Variants in HHLA1 observed in about 807,000 individuals in gnomAD.
The protein encoded by HHLA1 is HERV-H LTR-associating protein 1.
A neutral mutation model predicts 69.9 loss-of-function variants in HHLA1; 72 were observed. The observed-to-expected ratio is 1.03, with a 90% confidence interval of 0.85 to 1.25. The LOEUF (loss-of-function observed/expected upper bound fraction) is 1.25. Among genes scored for constraint, HHLA1 ranks in the 50% most tolerant of loss-of-function variants. HHLA1 has a pLI of 0.00. For missense variants in HHLA1, 685 were observed against 642.2 expected, an observed-to-expected ratio of 1.07 and a Z score of -0.72; for synonymous variants, 252 against 233.2, an observed-to-expected ratio of 1.08 and a Z score of -0.73.
Position 132,099,973 on chromosome 8 carries a change from G to C in HHLA1, c.199+102C>G, listed in dbSNP as rs958369458. 3.3e-5 allele frequency: 27 copies of C among 807,452 alleles called. No individual in the cohort carries two copies. The African/African-American group carries it at 4.6e-4, about 14-fold the overall frequency. 50.0% of individuals were successfully genotyped at this position (807,452 alleles called of 1,614,324 possible). On this transcript the variant is annotated intron_variant, in intron 4 of 16. Coordinates refer to ENST00000414222, the MANE Select transcript of HHLA1 (RefSeq NM_001145095.3). ...TTAATGATCAGATAATGATTAAAGA[G>C]ATGACGTTCTCGCCACTGTGGGAAA... is the stretch of plus-strand genomic sequence containing the variant.
intron 10 of HHLA1, 113 bp from the exon 11 acceptor site, chr8:132,080,079 A>G: frequency 2.2e-6 from 3 of 1,360,710 alleles, no homozygotes; most frequent in Non-Finnish European, 3.1e-6. Flanking sequence ...ACCTTTCTCT[A>G]ATTAAAAGTA....
intron 4 of HHLA1, among the ~76,000 whole-genome samples, chr8:132,099,330 C>A (rs1205617406): frequency 6.6e-6 from 1 of 152,212 alleles, no homozygotes; most frequent in Non-Finnish European, 1.5e-5. Flanking sequence ...AAAATAAGTA[C>A]CCCATGTAAA....
At chr8:132,077,024 T>A (rs1012652216) in intron 12 of HHLA1, among the ~76,000 whole-genome samples, 2 of 151,956 alleles carry the variant, frequency 1.3e-5, no homozygotes, top group Non-Finnish European at 2.9e-5. Flanking sequence ...AGTTTAAGGG[T>A]CACTTCAGGA....
intron 10 of HHLA1, among the ~76,000 whole-genome samples, chr8:132,085,859 C>A (rs539041642): frequency 1.3e-5 from 2 of 149,546 alleles, no homozygotes; most frequent in East Asian, 2.0e-4. Context: ...ATTTACACTT[C>A]TTTTGTGGTG....
chr8:132,101,102 T>C (rs1169442721), intron 3 of HHLA1: 1 of 1,403,454 alleles, frequency 7.1e-7, no homozygotes, highest in East Asian at 2.7e-5. Flanking sequence ...ATTGCAACAA[T>C]AGGTACCAGC....
At position 132,087,981 on chromosome 8, in the gene HHLA1, T is replaced by C. The variant is rs992599475; in HGVS notation, c.533-80A>G. 6 of 1,043,966 alleles carry C rather than the reference T, an allele frequency of 5.7e-6. No individual in the cohort carries two copies. The Admixed American group carries it at 1.2e-4, about 21-fold the overall frequency. 64.7% of individuals were successfully genotyped at this position (1,043,966 alleles called of 1,614,324 possible). On this transcript the variant is annotated intron_variant, in intron 8 of 16. Coordinates refer to ENST00000414222, the MANE Select transcript of HHLA1 (RefSeq NM_001145095.3). ...TCTTTGATTGAAATGAAAATTAAGT[T>C]GAAAGTACCTAACTTAGGATAATAT...
intron 14 of HHLA1, among the ~76,000 whole-genome samples, chr8:132,073,379 T>C (rs571761583): frequency 2.7e-4 from 41 of 152,332 alleles, no homozygotes; most frequent in Non-Finnish European, 2.6e-4. Context: ...AACTAGAAGA[T>C]AAACCCTCCA....
In HHLA1 at chr8:132,062,423, T is replaced by A. The variant is rs1399915014; in HGVS notation, c.*1572A>T. The A allele has an allele frequency of 6.6e-6, 1 of 152,158 alleles. No homozygotes were observed. The highest frequency in any genetic ancestry group is 2.4e-5 in the African/African-American group (1 of 41,410). The allele number at this position is 152,158 out of a possible 1,614,324, so 9.4% of individuals were successfully genotyped here. ...GCCAGGGAACTCAGGGGTCTTCCAATGGCAGAAACTGTTTTCTACTTAGAT... is the reference window on the plus strand; with the variant it reads ...GCCAGGGAACTCAGGGGTCTTCCAAAGGCAGAAACTGTTTTCTACTTAGAT... On this transcript the variant is annotated 3_prime_UTR_variant, in exon 17 of 17. Transcript: ENST00000414222.
intron 5 of HHLA1, 91 bp from the exon 6 acceptor site, chr8:132,095,877 G>T: frequency 1.5e-6 from 1 of 649,490 alleles, no homozygotes; most frequent in Non-Finnish European, 2.5e-6. Context: ...AATTAACAAT[G>T]CCAATAAAGA....
intron 3 of HHLA1, among the ~76,000 whole-genome samples, chr8:132,103,778 T>C (rs917755293): frequency 2.0e-5 from 3 of 152,208 alleles, no homozygotes; most frequent in Non-Finnish European, 2.9e-5. Context: ...TAGTCACCAT[T>C]GTACTGCAAA....
chr8:132,086,024 TG>T (rs1363647880), intron 10 of HHLA1, among the ~76,000 whole-genome samples: 2 of 152,216 alleles, frequency 1.3e-5, no homozygotes, highest in African/African-American at 2.4e-5. Context: ...AAGTGAAATT[TG>T]GGGGAATAAG....
At chr8:132,092,453 C>A (rs1012090576) in intron 7 of HHLA1, among the ~76,000 whole-genome samples, 1 of 152,084 alleles carries the variant, frequency 6.6e-6, no homozygotes, top group Non-Finnish European at 1.5e-5. Context: ...GGAGGTGAGG[C>A]GTGGTGGGAG....
chr8:132,107,236 C>T (rs912537646), intron 1 of HHLA1, among the ~76,000 whole-genome samples: 2 of 152,106 alleles, frequency 1.3e-5, no homozygotes, highest in Non-Finnish European at 2.9e-5. Context: ...CTTTTTGACT[C>T]TTGCTTCATT....
At chr8:132,067,490 A>G (rs1293089719) in intron 15 of HHLA1, among the ~76,000 whole-genome samples, 1 of 152,166 alleles carries the variant, frequency 6.6e-6, no homozygotes, top group Admixed American at 6.5e-5. Context: ...AGACCTTTCA[A>G]AACTTCCAGA....
chr8:132,094,377 C>A (rs148938771), intron 7 of HHLA1, among the ~76,000 whole-genome samples: 229 of 152,288 alleles, frequency 1.5e-3, no homozygotes, highest in Middle Eastern at 6.8e-3. Flanking sequence ...TTAGAATCCT[C>A]GCAGCAGACC....
intron 16 of HHLA1, among the ~76,000 whole-genome samples, chr8:132,064,624 CTG>C (rs111523743): frequency 0.083 from 12,565 of 152,012 alleles, 792 homozygotes; most frequent in East Asian, 0.24. Context: ...AATAAGGACC[CTG>C]TGTTTGGGAA....
intron 10 of HHLA1, among the ~76,000 whole-genome samples, chr8:132,084,448 AG>A (rs1253289019): frequency 6.6e-6 from 1 of 151,842 alleles, no homozygotes; most frequent in East Asian, 1.9e-4. Context: ...GGAAGGACTG[AG>A]TGTGTAAAAG....
intron 1 of HHLA1, among the ~76,000 whole-genome samples, chr8:132,107,295 ATTTATT>A (rs1205952047): frequency 6.6e-6 from 1 of 152,022 alleles, no homozygotes; most frequent in Non-Finnish European, 1.5e-5. Flanking sequence ...TCTAAGATTT[ATTTATT>A]TTTATTTTTA....
intron 3 of HHLA1, 27 bp from the exon 4 acceptor site, chr8:132,100,161 A>T (rs962928030): frequency 1.0e-5 from 15 of 1,495,966 alleles, no homozygotes; most frequent in Middle Eastern, 1.7e-4. Context: ...TTTCATGAGA[A>T]AAATGTGAGT....
Sources: gnomAD v4.1 joint callset for allele counts (sites outside exome capture counted in the v4.1 genomes callset) on GRCh38, gnomAD v4.1.1 for gene constraint, MANE v1.5 for transcripts, NCBI Gene and HGNC (gene_info 2026-07-23, HGNC 2026-07-21) for gene names.